Variants in TACC1 observed in about 807,000 individuals in gnomAD.
TACC1 encodes the protein transforming acidic coiled-coil containing protein 1, also known as transforming acidic coiled-coil-containing protein 1.
A neutral mutation model predicts 84.4 loss-of-function variants in TACC1; 48 were observed. The observed-to-expected ratio is 0.57, with a 90% CI of 0.45 to 0.72. TACC1 has a LOEUF of 0.72. Among genes scored for constraint, TACC1 ranks in the 30% least tolerant of loss-of-function variants. The pLI, the probability that TACC1 is intolerant of heterozygous loss-of-function variation, is 0.00. For synonymous variants in TACC1, 372 were observed against 376.3 expected (o/e 0.99, Z 0.13); for missense variants, 920 against 973.0 (o/e 0.95, Z 0.72).
chr8:38,800,621 C>G (rs1821138058), intron 2 of TACC1, among the ~76,000 whole-genome samples: 1 of 152,140 alleles, frequency 6.6e-6, no homozygotes, highest in African/African-American at 2.4e-5. Context: ...GAACAATACC[C>G]CATTTTATTG....
chr8:38,756,287 C>T (rs1810031494), intron 3 of TACC1, among the ~76,000 whole-genome samples: 1 of 152,034 alleles, frequency 6.6e-6, no homozygotes, highest in Non-Finnish European at 1.5e-5. Context: ...GAAATCGAAA[C>T]AGATTCCCTG....
At chr8:38,745,532 T>A (rs1807910727) in intron 3 of TACC1, 1 of 674,244 alleles carries the variant, frequency 1.5e-6, no homozygotes, top group African/African-American at 1.9e-5. Flanking sequence ...TTTTTTTCTG[T>A]TTGTTTGTTT....
chr8:38,809,980 T>C (rs1823681449), intron 2 of TACC1, among the ~76,000 whole-genome samples: 1 of 152,196 alleles, frequency 6.6e-6, no homozygotes, highest in Admixed American at 6.5e-5. Flanking sequence ...ATTATGTAAC[T>C]GTAAAAAAAC....
intron 2 of TACC1, among the ~76,000 whole-genome samples, chr8:38,793,522 T>G (rs1819251241): frequency 6.6e-6 from 1 of 152,088 alleles, no homozygotes; most frequent in African/African-American, 2.4e-5. Context: ...AAGGGTGGAC[T>G]GTATGGTTTG....
chr8:38,788,533 G>A (rs1241021892), intron 1 of TACC1, 171 bp from the exon 2 acceptor site: 1 of 549,240 alleles, frequency 1.8e-6, no homozygotes, highest in Non-Finnish European at 3.3e-6. Flanking sequence ...CCCAAGGAGG[G>A]CACTGCTCAG....
chr8:38,752,105 C>T (rs552155752), intron 3 of TACC1, among the ~76,000 whole-genome samples: 8 of 152,252 alleles, frequency 5.3e-5, no homozygotes, highest in Admixed American at 3.9e-4. Context: ...GGATGTATTT[C>T]GCAATCTTAT....
At chr8:38,843,855 C>T (rs2152328486) in intron 11 of TACC1, among the ~76,000 whole-genome samples, 1 of 152,250 alleles carries the variant, frequency 6.6e-6, no homozygotes, top group East Asian at 1.9e-4. Context: ...TGTCTTGCTG[C>T]CACAGACAGT....
chr8:38,753,929 C>CTTTCTTTCTTTCT (rs370460992), intron 3 of TACC1, among the ~76,000 whole-genome samples: 1 of 120,748 alleles, frequency 8.3e-6, no homozygotes, highest in African/African-American at 3.1e-5. Flanking sequence ...TTCTTTCTTT[C>CTTTCTTTCTTTCT]TTCTTTCTCT....
chr8:38,748,804 G>A (rs1808506361), intron 3 of TACC1, among the ~76,000 whole-genome samples: 1 of 151,982 alleles, frequency 6.6e-6, no homozygotes, highest in Non-Finnish European at 1.5e-5. Flanking sequence ...AGCACTTTGA[G>A]GGAAATTTAC....
chr8:38,848,111 C>T lies in TACC1; in HGVS notation c.*88C>T. The T allele has an allele frequency of 7.7e-7, 1 of 1,306,498 alleles. No individual in the cohort carries two copies. The highest frequency in any genetic ancestry group is 1.3e-5 in the South Asian group (1 of 74,588). The allele number at this position is 1,306,498 out of a possible 1,614,324, so 80.9% of individuals were successfully genotyped here. Reference sequence around the variant, plus strand: ...CTTGCCTTATCCAGGAATAATTGCCCCTTTGCAGAGAAAAAAAAAAACTTA... The same window carrying T: ...CTTGCCTTATCCAGGAATAATTGCCTCTTTGCAGAGAAAAAAAAAAACTTA... On this transcript the variant is annotated 3_prime_UTR_variant, in exon 13 of 13. Transcript: ENST00000317827.
At chr8:38,752,021 G>T (rs1809132620) in intron 3 of TACC1, among the ~76,000 whole-genome samples, 1 of 152,178 alleles carries the variant, frequency 6.6e-6, no homozygotes, top group African/African-American at 2.4e-5. Context: ...GTAGTTCCTA[G>T]TATCCAACAA....
intron 4 of TACC1, among the ~76,000 whole-genome samples, chr8:38,825,607 A>G (rs1044685403): frequency 3.3e-5 from 5 of 152,038 alleles, no homozygotes; most frequent in Admixed American, 3.3e-4. Flanking sequence ...TGCTACAAAG[A>G]TGCATCACCA....
rs370287801 is a variant in TACC1, at chr8:38,741,445, C to T, written c.-674-906C>T. Among the ~76,000 whole-genome samples the T allele has an allele frequency of 2.4e-4, 36 of 152,272 alleles. No individual in the cohort carries two copies. In the East Asian group the frequency reaches 3.5e-3, roughly 15 times the overall value. On this transcript the variant is annotated intron_variant, in intron 1 of 14. Coordinates refer to the TACC1 transcript ENST00000518415. ...AAGTGCTGGGATTACAGGCAGGAGCCGCCGCGCCTGGCCCATGCTGTTATT... is the reference window on the plus strand; with the variant it reads ...AAGTGCTGGGATTACAGGCAGGAGCTGCCGCGCCTGGCCCATGCTGTTATT...
At chr8:38,731,874 G>A (rs947801841) in intron 1 of TACC1, among the ~76,000 whole-genome samples, 2 of 152,350 alleles carry the variant, frequency 1.3e-5, no homozygotes, top group South Asian at 4.1e-4. Context: ...CACTTTGGGA[G>A]GCCAAGGCAG....
chr8:38,818,669 G>T (rs751711688), intron 2 of TACC1, among the ~76,000 whole-genome samples: 2 of 151,850 alleles, frequency 1.3e-5, no homozygotes, highest in African/African-American at 4.8e-5. Context: ...TTCTTATTTG[G>T]TTCTTTTAGT....
At position 38,787,549 on chromosome 8, in the gene TACC1, G is replaced by A. The variant is rs1019053108; in HGVS notation, c.-34G>A. 5.3e-6 allele frequency: 8 copies of A among 1,521,630 alleles called. No homozygotes were observed. Among genetic ancestry groups the A allele is most frequent in the Non-Finnish European group, 6.2e-6 (7 of 1,135,926 alleles). The allele number at this position is 1,521,630 out of a possible 1,614,324, so 94.3% of individuals were successfully genotyped here. ...AAAGGCTCTCCCCACCCATTCCCCT[G>A]CCCCTAGGAGCTGGAGCCGGAGGAG... On this transcript the variant is annotated 5_prime_UTR_variant, in exon 1 of 13. Transcript: ENST00000317827.
At chr8:38,764,842 T>TA (rs1587408783) in intron 3 of TACC1, among the ~76,000 whole-genome samples, 1 of 152,186 alleles carries the variant, frequency 6.6e-6, no homozygotes, top group African/African-American at 2.4e-5. Flanking sequence ...CTAACACCTG[T>TA]AATCCCAGCA....
upstream of TACC1, among the ~76,000 whole-genome samples, chr8:38,784,104 G>GTTGTGAC: frequency 6.6e-6 from 1 of 152,206 alleles, no homozygotes; most frequent in Admixed American, 6.5e-5. Flanking sequence ...AGTGTTCCTA[G>GTTGTGAC]TTGTGACTTT....
At chr8:38,773,593 T>G (rs185590304) in intron 3 of TACC1, among the ~76,000 whole-genome samples, 8,154 of 113,238 alleles carry the variant, frequency 0.072, 347 homozygotes, top group Non-Finnish European at 0.12. Flanking sequence ...TATCTAGCTA[T>G]CTATCTATCT....
Sources: gnomAD v4.1 joint callset for allele counts (sites outside exome capture counted in the v4.1 genomes callset) on GRCh38, gnomAD v4.1.1 for gene constraint, MANE v1.5 for transcripts, NCBI Gene and HGNC (gene_info 2026-07-23, HGNC 2026-07-21) for gene names.